Variants in MND1 observed in about 807,000 individuals in gnomAD.
MND1 encodes meiotic nuclear division protein 1 homolog.
MND1 carries 28 observed loss-of-function variants against 35.1 expected under a neutral mutation model. The observed-to-expected ratio is 0.80, with a 90% CI of 0.59 to 1.09. The LOEUF (loss-of-function observed/expected upper bound fraction) is 1.09, where lower values mean the gene tolerates loss of function less well. MND1 is among the 50% of genes least tolerant of loss of function. The probability of loss-of-function intolerance (pLI) is 0.00; values close to 1 mark genes in which losing one functional copy is unlikely to be tolerated. For synonymous variants in MND1, 69 were observed against 70.5 expected (o/e 0.98, Z 0.11); for missense variants, 213 against 239.6 (o/e 0.89, Z 0.73).
intron 4 of MND1, among the ~76,000 whole-genome samples, chr4:153,378,757 C>T (rs548385646): frequency 1.3e-5 from 2 of 152,168 alleles, no homozygotes; most frequent in African/African-American, 4.8e-5. Flanking sequence ...CTGTTGATAA[C>T]AACTGGTGTT....
chr4:153,358,676 T>TA, intron 4 of MND1, 54 bp downstream of exon 4: 1 of 1,515,316 alleles, frequency 6.6e-7, no homozygotes, highest in East Asian at 2.3e-5. Context: ...AGAGTTGTTT[T>TA]ACTTCATCCT....
chr4:153,350,295 G>A (rs1773183036), intron 2 of MND1, among the ~76,000 whole-genome samples, 166 bp downstream of exon 2: 1 of 152,114 alleles, frequency 6.6e-6, no homozygotes, highest in East Asian at 1.9e-4. Flanking sequence ...TATGGAGTGT[G>A]AAAAACCATA....
At chr4:153,385,032 CT>C (rs1728815513) in intron 4 of MND1, among the ~76,000 whole-genome samples, 1 of 152,190 alleles carries the variant, frequency 6.6e-6, no homozygotes, top group South Asian at 2.1e-4. Flanking sequence ...CCAGTACTCA[CT>C]ACATGCAAAG....
At chr4:153,351,850 A>C (rs551609200) in intron 2 of MND1, among the ~76,000 whole-genome samples, 2 of 152,354 alleles carry the variant, frequency 1.3e-5, no homozygotes, top group South Asian at 2.1e-4. Context: ...AAAATGTAGA[A>C]TATAAAAAAC....
chr4:153,374,967 G>T (rs1010972865), intron 4 of MND1, among the ~76,000 whole-genome samples: 1 of 152,034 alleles, frequency 6.6e-6, no homozygotes, highest in Non-Finnish European at 1.5e-5. Context: ...AGAATATGAG[G>T]TTCACATCCA....
At chr4:153,408,257 G>A (rs1184932997) in intron 6 of MND1, among the ~76,000 whole-genome samples, 1 of 152,168 alleles carries the variant, frequency 6.6e-6, no homozygotes, top group Non-Finnish European at 1.5e-5. Flanking sequence ...GAGACAGAGT[G>A]AGACCCAGTC....
Position 153,390,913 on chromosome 4 carries a change from G to GTATA in MND1, c.277-3348_277-3347insATAT, listed in dbSNP as rs1491057144. On this transcript the variant is annotated intron_variant, in intron 4 of 7. Coordinates refer to ENST00000240488, the MANE Select transcript of MND1 (RefSeq NM_032117.4). ...TATGTGTGTGTGTGTGTGTGTGTGT[G>GTATA]TGTATATGTGTGTGTGTGTGTGTGT... 4.1e-4 allele frequency among the ~76,000 whole-genome samples: 50 copies of GTATA among 122,676 alleles called. 1 individual carries two copies. The highest frequency in any genetic ancestry group is 4.0e-3 in the East Asian group (19 of 4,706). The allele number at this position is 122,676 out of a possible 152,430, so 80.5% of individuals were successfully genotyped here. A position where few individuals can be genotyped will look rare whatever the true frequency, so the allele number is the denominator to read the frequency against.
At chr4:153,350,240 T>G in intron 2 of MND1, 111 bp downstream of exon 2, 1 of 720,164 alleles carries the variant, frequency 1.4e-6, no homozygotes, top group East Asian at 2.6e-5. Context: ...ATCAATTTCT[T>G]GAAGAATGGG....
intron 4 of MND1, among the ~76,000 whole-genome samples, chr4:153,385,454 G>T (rs975889691): frequency 2.6e-5 from 4 of 152,086 alleles, no homozygotes; most frequent in African/African-American, 7.2e-5. Flanking sequence ...AGTGGCTCAT[G>T]CCTGTAATAC....
intron 4 of MND1, among the ~76,000 whole-genome samples, chr4:153,361,131 C>T (rs1243255650): frequency 6.6e-6 from 1 of 152,232 alleles, no homozygotes; most frequent in Non-Finnish European, 1.5e-5. Context: ...TGCGACCGGC[C>T]TGTAACCCTG....
At chr4:153,370,398 C>T (rs1773761800) in intron 4 of MND1, among the ~76,000 whole-genome samples, 1 of 152,104 alleles carries the variant, frequency 6.6e-6, no homozygotes, top group Admixed American at 6.5e-5. Flanking sequence ...TCCACCACAT[C>T]AGTTACTTCT....
At chr4:153,391,749 C>CACACACACACACACACAT (rs1169686789) in intron 4 of MND1, among the ~76,000 whole-genome samples, 47 of 151,650 alleles carry the variant, frequency 3.1e-4, no homozygotes, top group African/African-American at 1.1e-3. Context: ...CACACACACA[C>CACACACACACACACACAT]ATACATACAT....
In MND1 at chr4:153,397,334, G is replaced by C; in HGVS notation, c.466+1G>C. 1 of 1,601,010 alleles carries C rather than the reference G, an allele frequency of 6.2e-7. No homozygotes were observed. The highest frequency in any genetic ancestry group is 8.5e-7 in the Non-Finnish European group (1 of 1,171,222). ...GATCCGCAAGTTGTGGAAGAAATAC[G>C]TAAGTTTGTGTCATACCTTAGGGAT... On this transcript the variant is annotated splice_donor_variant, in intron 6 of 7. Transcript: ENST00000240488. LOFTEE classifies it high-confidence loss of function.
intron 4 of MND1, among the ~76,000 whole-genome samples, chr4:153,380,669 T>G (rs919976280): frequency 3.9e-5 from 6 of 152,220 alleles, no homozygotes; most frequent in African/African-American, 1.2e-4. Context: ...TATATCTCTG[T>G]GCACTTAAAA....
chr4:153,401,162 G>C (rs1410271893), intron 6 of MND1, among the ~76,000 whole-genome samples: 2 of 152,150 alleles, frequency 1.3e-5, no homozygotes, highest in African/African-American at 4.8e-5. Flanking sequence ...CAGCACTTTG[G>C]GAGGCCAAGG....
Position 153,350,069 on chromosome 4 carries a change from GAA to G in MND1, c.14_15del (p.Lys5ArgfsTer17), listed in dbSNP as rs1561052962. 1 of 1,592,618 alleles carries G rather than the reference GAA, an allele frequency of 6.3e-7. No individual in the cohort carries two copies. Among genetic ancestry groups the G allele is most frequent in the African/African-American group, 1.4e-5 (1 of 73,776 alleles). On this transcript the variant is annotated frameshift_variant, in exon 2 of 8. Coordinates refer to ENST00000240488, the MANE Select transcript of MND1 (RefSeq NM_032117.4). LOFTEE classifies it high-confidence loss of function. ...TGTTAATTTTTTTGCTTTAGTCAAA[GAA>G]AAAAGGACTGAGTGCAGAAGAAAAG... The part of the protein sequence containing the change: MSK[K>X]KGLSAEEKRT...
intron 4 of MND1, among the ~76,000 whole-genome samples, chr4:153,363,386 AT>A (rs1204007818): frequency 2.0e-5 from 3 of 151,700 alleles, no homozygotes; most frequent in Non-Finnish European, 4.4e-5. Flanking sequence ...TAATTTTTGT[AT>A]TTTTGGTAGA....
chr4:153,375,492 A>G (rs1561065374), intron 4 of MND1, among the ~76,000 whole-genome samples: 2 of 152,128 alleles, frequency 1.3e-5, no homozygotes, highest in Non-Finnish European at 2.9e-5. Flanking sequence ...ACAAAGCTTT[A>G]AAGCAGATTA....
intron 2 of MND1, among the ~76,000 whole-genome samples, chr4:153,352,919 C>A (rs776955277): frequency 4.6e-5 from 7 of 152,128 alleles, no homozygotes; most frequent in East Asian, 1.9e-4. Flanking sequence ...CTGTCCACTT[C>A]AATGACCGCA....
Sources: allele counts gnomAD v4.1 joint callset (sites outside exome capture counted in the v4.1 genomes callset), GRCh38; gene constraint gnomAD v4.1.1; transcripts MANE v1.5; gene names NCBI Gene and HGNC (gene_info 2026-07-23, HGNC 2026-07-21).